MYH15: variants seen among roughly 807,000 people sequenced by gnomAD.
MYH15 encodes myosin-15.
MYH15 carries 227 observed loss-of-function variants against 240.5 expected under a neutral mutation model. The observed-to-expected ratio is 0.94, with a 90% CI of 0.85 to 1.05. The LOEUF (loss-of-function observed/expected upper bound fraction) is 1.05. MYH15 is among the 50% of genes least tolerant of loss of function. The pLI, the probability that MYH15 is intolerant of heterozygous loss-of-function variation, is 0.00. For synonymous variants in MYH15, 785 were observed against 796.7 expected, an observed-to-expected ratio of 0.99 and a Z score of 0.25; for missense variants, 2,217 against 2,247.5, an observed-to-expected ratio of 0.99 and a Z score of 0.27.
At chr3:108,451,179 A>G (rs2082970565) in intron 21 of MYH15, among the ~76,000 whole-genome samples, 1 of 152,178 alleles carries the variant, frequency 6.6e-6, no homozygotes, top group Non-Finnish European at 1.5e-5. Flanking sequence ...CAAGAGTTTG[A>G]GACCATCCTG....
chr3:108,383,758 A>C, intron 39 of MYH15, 29 bp from the exon 40 acceptor site: 1 of 1,496,662 alleles, frequency 6.7e-7, no homozygotes. Context: ...AAAAAAAGAA[A>C]TCTCCATGCC....
At chr3:108,529,284 A>C in exon 1 of MYH15, 1 of 1,592,490 alleles carries the variant, frequency 6.3e-7, no homozygotes, top group South Asian at 1.1e-5. Flanking sequence ...TGGTAAGATG[A>C]GGTAAATACA....
At chr3:108,434,850 G>C (rs1028338072) in intron 25 of MYH15, among the ~76,000 whole-genome samples, 8 of 152,202 alleles carry the variant, frequency 5.3e-5, no homozygotes, top group African/African-American at 1.9e-4. Context: ...TCCATTAGCA[G>C]TGTGAGATCA....
chr3:108,385,610 T>C (rs1378079754), intron 38 of MYH15, among the ~76,000 whole-genome samples: 1 of 152,244 alleles, frequency 6.6e-6, no homozygotes, highest in Non-Finnish European at 1.5e-5. Context: ...ATTTCCATAT[T>C]GGAGCTATTG....
At chr3:108,487,774 T>C (rs912482995) in intron 9 of MYH15, among the ~76,000 whole-genome samples, 1 of 152,246 alleles carries the variant, frequency 6.6e-6, no homozygotes, top group Admixed American at 6.5e-5. Flanking sequence ...ACCTGTTATA[T>C]ACTTAAAACA....
chr3:108,512,888 G>A (rs1013603473), upstream of MYH15, among the ~76,000 whole-genome samples: 7 of 152,116 alleles, frequency 4.6e-5, no homozygotes, highest in Non-Finnish European at 8.8e-5. Flanking sequence ...GGCGGGCCTG[G>A]CAACCATTTG....
At position 108,495,868 on chromosome 3, in the gene MYH15, G is replaced by A. The variant is rs374854107; in HGVS notation, c.623C>T (p.Ala208Val). Residue 208 changes from alanine to valine, a missense_variant, in exon 7 of 41, where the codon GCG (alanine) becomes GTG (valine). By Grantham distance (64) the Ala-to-Val change is moderately conservative. Transcript: ENST00000693548. ...CGCTTGCATGATTTGATCTTCTAAC[G>A]CCCCCTGAGACACATGCAAGAGAAG... is the stretch of plus-strand genomic sequence containing the variant. ...AMIESRKKQG[A>V]LEDQIMQANT... The A allele has an allele frequency of 5.8e-5, 93 of 1,604,492 alleles. No homozygotes were observed. The highest frequency in any genetic ancestry group is 4.9e-4 in the Middle Eastern group (3 of 6,078).
intron 14 of MYH15, among the ~76,000 whole-genome samples, chr3:108,469,477 C>A (rs758307573): frequency 6.6e-6 from 1 of 152,152 alleles, no homozygotes; most frequent in South Asian, 2.1e-4. Flanking sequence ...TGGGACATCA[C>A]CAAATTCAGA....
In MYH15 at chr3:108,391,749, C is replaced by T; in HGVS notation, c.5430+11G>A. 6.2e-7 allele frequency: 1 copy of T among 1,610,864 alleles called. No individual in the cohort carries two copies. On this transcript the variant is annotated intron_variant, in intron 37 of 40. Transcript: ENST00000693548. ...GGACTGTCAAGCCCTCATGATTACC[C>T]AGACTCCTACCCTGGATTCTAGTTT...
intron 22 of MYH15, among the ~76,000 whole-genome samples, chr3:108,443,218 G>T (rs374529809): frequency 6.6e-6 from 1 of 152,170 alleles, no homozygotes; most frequent in African/African-American, 2.4e-5. Flanking sequence ...AGCATACCAG[G>T]TAAGACTGTA....
chr3:108,492,234 ACC>A, intron 9 of MYH15, among the ~76,000 whole-genome samples: 2 of 128,670 alleles, frequency 1.6e-5, no homozygotes, highest in Non-Finnish European at 3.7e-5. Flanking sequence ...ACACTCACTC[ACC>A]TCTGCTGGGC....
intron 37 of MYH15, among the ~76,000 whole-genome samples, chr3:108,391,197 C>A (rs1251452943): frequency 2.0e-5 from 3 of 152,114 alleles, no homozygotes; most frequent in East Asian, 1.9e-4. Flanking sequence ...TTATCATATG[C>A]CTTGTCTGTA....
chr3:108,509,488 T>C (rs2083505599), intron 1 of MYH15, among the ~76,000 whole-genome samples: 1 of 152,180 alleles, frequency 6.6e-6, no homozygotes, highest in African/African-American at 2.4e-5. Flanking sequence ...ATCACAGTCA[T>C]GAATCCAATG....
intron 28 of MYH15, among the ~76,000 whole-genome samples, chr3:108,417,173 T>C (rs1464122122): frequency 6.6e-6 from 1 of 152,206 alleles, no homozygotes; most frequent in Non-Finnish European, 1.5e-5. Flanking sequence ...ACAGATGATA[T>C]TAGTTACCAT....
chr3:108,523,815 T>C (rs977010212), intron 1 of MYH15, among the ~76,000 whole-genome samples: 1 of 151,974 alleles, frequency 6.6e-6, no homozygotes, highest in Non-Finnish European at 1.5e-5. Flanking sequence ...ATCAATTATA[T>C]ACAGGCCTCT....
Position 108,462,549 on chromosome 3 carries a change from G to T in MYH15, c.1864+562C>A, listed in dbSNP as rs202178062. ...TTCTGTATATATCTTAAAGTGTCAG[G>T]TAAGAAATGAGTAAGATAATGTATC... On this transcript the variant is annotated intron_variant, in intron 16 of 40. Transcript: ENST00000693548. 3.9e-5 allele frequency among the ~76,000 whole-genome samples: 6 copies of T among 152,144 alleles called. No homozygotes were observed. The East Asian group carries it at 1.2e-3, about 30-fold the overall frequency.
intron 21 of MYH15, among the ~76,000 whole-genome samples, chr3:108,449,179 G>A (rs2082952617): frequency 6.6e-6 from 1 of 151,962 alleles, no homozygotes; most frequent in South Asian, 2.1e-4. Context: ...AGTCCCCAAA[G>A]TTATCTACAG....
chr3:108,470,432 G>T (rs2083162754), intron 13 of MYH15, among the ~76,000 whole-genome samples: 1 of 151,828 alleles, frequency 6.6e-6, no homozygotes, highest in Non-Finnish European at 1.5e-5. Context: ...GCACTTAATG[G>T]TATTAAAATT....
chr3:108,392,783 G>C (rs1005049046), intron 36 of MYH15, among the ~76,000 whole-genome samples: 3 of 152,226 alleles, frequency 2.0e-5, no homozygotes, highest in African/African-American at 7.2e-5. Flanking sequence ...ATTAAGCAGA[G>C]AGCATCTTCA....
Sources: allele counts gnomAD v4.1 joint callset (sites outside exome capture counted in the v4.1 genomes callset), GRCh38; gene constraint gnomAD v4.1.1; transcripts MANE v1.5; gene names NCBI Gene and HGNC (gene_info 2026-07-23, HGNC 2026-07-21).